Variants in CTNNA2 observed in about 807,000 individuals in gnomAD.
The protein encoded by CTNNA2 is catenin alpha-2.
CTNNA2 carries 42 observed loss-of-function variants against 101.0 expected under a neutral mutation model. That is an observed-to-expected ratio of 0.42 (90% CI 0.32 to 0.54). CTNNA2 has a LOEUF of 0.54. CTNNA2 is among the 20% of genes least tolerant of loss of function. The probability of loss-of-function intolerance (pLI) is 0.14; values close to 1 mark genes in which losing one functional copy is unlikely to be tolerated. For missense variants in CTNNA2, 871 were observed against 1,223.1 expected, an observed-to-expected ratio of 0.71 and a Z score of 4.29; for synonymous variants, 450 against 456.4, an observed-to-expected ratio of 0.99 and a Z score of 0.18.
intron 9 of CTNNA2, among the ~76,000 whole-genome samples, chr2:80,439,079 G>C (rs1404792442): frequency 6.6e-6 from 1 of 152,100 alleles, no homozygotes; most frequent in East Asian, 1.9e-4. Flanking sequence ...AAGTAGGAGT[G>C]GGAAGTGAGG....
At chr2:79,355,788 AG>A (rs1159315045) in intron 3 of CTNNA2, among the ~76,000 whole-genome samples, 4 of 152,240 alleles carry the variant, frequency 2.6e-5, no homozygotes, top group Non-Finnish European at 5.9e-5. Context: ...ATTCCTTTTT[AG>A]GGTTGAGTAA....
intron 2 of CTNNA2, among the ~76,000 whole-genome samples, chr2:79,293,621 T>A (rs1256071765): frequency 6.6e-6 from 1 of 152,050 alleles, no homozygotes; most frequent in African/African-American, 2.4e-5. Flanking sequence ...TGAGGGTAGG[T>A]CAAAAGCTAA....
At chr2:80,023,620 A>G (rs1252058702) in intron 7 of CTNNA2, among the ~76,000 whole-genome samples, 1 of 152,218 alleles carries the variant, frequency 6.6e-6, no homozygotes, top group Non-Finnish European at 1.5e-5. Flanking sequence ...ACATATAATC[A>G]GCTACACAGT....
At chr2:79,707,060 C>T (rs1329301777) in intron 2 of CTNNA2, among the ~76,000 whole-genome samples, 2 of 152,082 alleles carry the variant, frequency 1.3e-5, no homozygotes. Flanking sequence ...CTGCCATTTG[C>T]ACATTTGGGG....
intron 7 of CTNNA2, among the ~76,000 whole-genome samples, chr2:80,180,277 T>A (rs953742420): frequency 2.6e-5 from 4 of 152,212 alleles, no homozygotes; most frequent in Non-Finnish European, 4.4e-5. Flanking sequence ...GTCTGGAAAT[T>A]GATTGAGACA....
At chr2:79,560,865 T>C (rs1674735342) in intron 1 of CTNNA2, among the ~76,000 whole-genome samples, 1 of 151,958 alleles carries the variant, frequency 6.6e-6, no homozygotes, top group Admixed American at 6.6e-5. Flanking sequence ...TTTCACCTAG[T>C]ATTAATAATT....
intron 9 of CTNNA2, among the ~76,000 whole-genome samples, chr2:80,544,258 G>C (rs1012800854): frequency 4.6e-5 from 7 of 151,872 alleles, no homozygotes; most frequent in African/African-American, 1.7e-4. Flanking sequence ...CCAAGGAAGA[G>C]GGGAAAAGAA....
chr2:79,523,833 A>G (rs1221291758), intron 1 of CTNNA2, among the ~76,000 whole-genome samples: 1 of 152,078 alleles, frequency 6.6e-6, no homozygotes, highest in African/African-American at 2.4e-5. Context: ...CCAGATTTCT[A>G]GAGGTTATCT....
intron 3 of CTNNA2, among the ~76,000 whole-genome samples, chr2:79,338,063 T>C (rs1677035779): frequency 1.3e-5 from 2 of 151,566 alleles, no homozygotes; most frequent in Non-Finnish European, 2.9e-5. Flanking sequence ...CTGGTGAACA[T>C]GGAGAAACCC....
intron 7 of CTNNA2, among the ~76,000 whole-genome samples, chr2:80,236,847 C>A (rs961981713): frequency 6.6e-6 from 1 of 152,188 alleles, no homozygotes; most frequent in African/African-American, 2.4e-5. Flanking sequence ...GGCTTCTCCT[C>A]ACTATTAAAT....
At chr2:79,607,907 TAATC>T (rs1288348600) in intron 1 of CTNNA2, among the ~76,000 whole-genome samples, 4 of 150,852 alleles carry the variant, frequency 2.7e-5, no homozygotes, top group Non-Finnish European at 5.9e-5. Flanking sequence ...AGGGCAAAAA[TAATC>T]AAAGTGGAAA....
chr2:79,396,629 A>C (rs1372572922), intron 4 of CTNNA2, among the ~76,000 whole-genome samples: 1 of 152,168 alleles, frequency 6.6e-6, no homozygotes, highest in Non-Finnish European at 1.5e-5. Flanking sequence ...GATTGATCTC[A>C]TTTGAAATAA....
At chr2:80,181,722 G>A (rs985888312) in intron 7 of CTNNA2, among the ~76,000 whole-genome samples, 4 of 152,128 alleles carry the variant, frequency 2.6e-5, no homozygotes, top group Non-Finnish European at 1.5e-5. Flanking sequence ...GGTTCTCCAC[G>A]TATGGTCAAA....
chr2:79,502,811 A>T (rs1671334358), intron 4 of CTNNA2, among the ~76,000 whole-genome samples: 1 of 152,136 alleles, frequency 6.6e-6, no homozygotes, highest in Non-Finnish European at 1.5e-5. Context: ...GCTTAGTGAA[A>T]ATGCTTAACT....
chr2:79,470,520 G>T (rs1050542235), intron 4 of CTNNA2, among the ~76,000 whole-genome samples: 3 of 152,178 alleles, frequency 2.0e-5, no homozygotes, highest in African/African-American at 7.2e-5. Flanking sequence ...AGAGTGTTGT[G>T]CATTTAATAT....
chr2:80,287,011 A>T (rs1674829112), intron 7 of CTNNA2, among the ~76,000 whole-genome samples: 1 of 152,222 alleles, frequency 6.6e-6, no homozygotes, highest in Admixed American at 6.5e-5. Flanking sequence ...ATGGTACATA[A>T]GTAAATTAAT....
intron 7 of CTNNA2, among the ~76,000 whole-genome samples, chr2:80,251,206 T>C (rs1671738944): frequency 6.6e-6 from 1 of 152,194 alleles, no homozygotes; most frequent in South Asian, 2.1e-4. Flanking sequence ...GGTGTCCATC[T>C]AGTCCATGTG....
chr2:79,576,132 C>T (rs1675781345), intron 1 of CTNNA2, among the ~76,000 whole-genome samples: 1 of 152,156 alleles, frequency 6.6e-6, no homozygotes, highest in East Asian at 1.9e-4. Context: ...TGAAGTTTGT[C>T]ACCATTCAGG....
At chr2:79,355,209 G>C (rs1384846649) in intron 3 of CTNNA2, among the ~76,000 whole-genome samples, 1 of 151,974 alleles carries the variant, frequency 6.6e-6, no homozygotes, top group Non-Finnish European at 1.5e-5. Flanking sequence ...TTGGCTATTT[G>C]GGCTCTTTTT....
Sources: allele counts gnomAD v4.1 joint callset (sites outside exome capture counted in the v4.1 genomes callset), GRCh38; gene constraint gnomAD v4.1.1; transcripts MANE v1.5; gene names NCBI Gene and HGNC (gene_info 2026-07-23, HGNC 2026-07-21).